Variants in ASTN2 observed in about 807,000 individuals in gnomAD.
ASTN2 encodes astrotactin-2.
In ASTN2, 54 loss-of-function variants were observed where a neutral mutation model predicts 139.8. The observed-to-expected ratio is 0.39, with a 90% CI of 0.31 to 0.48. The LOEUF (loss-of-function observed/expected upper bound fraction) is 0.48. Ranked by LOEUF, ASTN2 falls within the 20% of genes least tolerant of loss-of-function variation. ASTN2 has a pLI of 0.95. For missense variants in ASTN2, 1,565 were observed against 1,725.1 expected, an observed-to-expected ratio of 0.91 and a Z score of 1.64; for synonymous variants, 756 against 719.5, an observed-to-expected ratio of 1.05 and a Z score of -0.81.
intron 5 of ASTN2, among the ~76,000 whole-genome samples, chr9:117,061,403 C>T (rs7864923): frequency 0.55 from 83,920 of 151,286 alleles, 23,555 homozygotes; most frequent in Non-Finnish European, 0.58. Context: ...CTCTTTTTTT[C>T]CTCCATTTTT....
At chr9:117,310,047 T>C (rs1269126229) in intron 1 of ASTN2, among the ~76,000 whole-genome samples, 2 of 152,106 alleles carry the variant, frequency 1.3e-5, no homozygotes, top group East Asian at 3.9e-4. Context: ...AATAATGGGG[T>C]AACTTGACAG....
chr9:117,210,084 A>C (rs974389602), intron 3 of ASTN2, among the ~76,000 whole-genome samples: 24 of 152,164 alleles, frequency 1.6e-4, no homozygotes, highest in African/African-American at 5.8e-4. Flanking sequence ...TTATAGTAAT[A>C]AATGCTTATA....
At chr9:117,162,474 G>T (rs1365938147) in intron 3 of ASTN2, among the ~76,000 whole-genome samples, 4 of 151,930 alleles carry the variant, frequency 2.6e-5, no homozygotes, top group African/African-American at 4.8e-5. Flanking sequence ...ATTCTCCAAG[G>T]CCCAGGTAGG....
chr9:116,769,895 T>G (rs905845842), intron 13 of ASTN2, among the ~76,000 whole-genome samples: 6 of 98,544 alleles, frequency 6.1e-5, no homozygotes, highest in African/African-American at 1.9e-4. Context: ...ATTAAATATA[T>G]ATATATGGGC....
intron 10 of ASTN2, among the ~76,000 whole-genome samples, chr9:116,885,048 A>G (rs377075311): frequency 9.5e-4 from 145 of 152,160 alleles, no homozygotes; most frequent in African/African-American, 3.2e-3. Context: ...CAACAGTCAT[A>G]TGGGATTAGA....
At chr9:117,331,178 G>A (rs1187488551) in intron 1 of ASTN2, among the ~76,000 whole-genome samples, 2 of 152,202 alleles carry the variant, frequency 1.3e-5, no homozygotes, top group Admixed American at 6.5e-5. Context: ...TCTTCTGTAA[G>A]TTGGAGGCAG....
chr9:117,152,727 C>G (rs374760485), intron 3 of ASTN2, among the ~76,000 whole-genome samples: 1 of 152,152 alleles, frequency 6.6e-6, no homozygotes, highest in Non-Finnish European at 1.5e-5. Context: ...CACTCTCTTA[C>G]TTTTAATTCC....
intron 3 of ASTN2, among the ~76,000 whole-genome samples, chr9:117,203,630 T>A (rs1047476418): frequency 8.0e-4 from 122 of 152,102 alleles, no homozygotes; most frequent in African/African-American, 2.8e-3. Flanking sequence ...GCTGCTGCAG[T>A]TTGCTGGGAG....
At chr9:117,133,124 T>C (rs1829864125) in intron 4 of ASTN2, among the ~76,000 whole-genome samples, 1 of 152,224 alleles carries the variant, frequency 6.6e-6, no homozygotes, top group Non-Finnish European at 1.5e-5. Context: ...ACAATATTTT[T>C]CAATTGTATG....
At chr9:117,120,974 T>C (rs1829543205) in intron 4 of ASTN2, among the ~76,000 whole-genome samples, 1 of 152,354 alleles carries the variant, frequency 6.6e-6, no homozygotes, top group East Asian at 1.9e-4. Context: ...AGTTGTCAGA[T>C]GTAGTGTCTA....
intron 13 of ASTN2, among the ~76,000 whole-genome samples, chr9:116,794,950 C>A (rs1014893530): frequency 6.6e-6 from 1 of 152,030 alleles, no homozygotes; most frequent in African/African-American, 2.4e-5. Context: ...CTATGCTTAT[C>A]GTTAAATGTT....
At chr9:116,493,456 C>T (rs936891906) in intron 19 of ASTN2, among the ~76,000 whole-genome samples, 6 of 152,262 alleles carry the variant, frequency 3.9e-5, no homozygotes, top group Admixed American at 1.3e-4. Flanking sequence ...GGGGCCAGAC[C>T]CCCACACATT....
chr9:117,232,342 C>T (rs1372509631), intron 2 of ASTN2, among the ~76,000 whole-genome samples: 2 of 152,186 alleles, frequency 1.3e-5, no homozygotes, highest in Non-Finnish European at 2.9e-5. Flanking sequence ...ACATCCTTTA[C>T]TCCTCCCCAC....
intron 1 of ASTN2, among the ~76,000 whole-genome samples, chr9:117,411,306 T>C (rs1831153660): frequency 6.6e-6 from 1 of 152,140 alleles, no homozygotes; most frequent in African/African-American, 2.4e-5. Context: ...GTCAATGTCA[T>C]TGACTTATAA....
chr9:117,238,760 G>T (rs1034555603), intron 2 of ASTN2, among the ~76,000 whole-genome samples: 1 of 152,156 alleles, frequency 6.6e-6, no homozygotes, highest in Non-Finnish European at 1.5e-5. Flanking sequence ...TTGGTGCCTA[G>T]CTCCAGTGAC....
intron 4 of ASTN2, among the ~76,000 whole-genome samples, chr9:117,115,116 C>T (rs1829351459): frequency 6.6e-6 from 1 of 152,148 alleles, no homozygotes. Context: ...AACCACAAAG[C>T]TTTGGGGTAA....
At chr9:116,579,214 G>T (rs757885893) in intron 19 of ASTN2, among the ~76,000 whole-genome samples, 1 of 152,170 alleles carries the variant, frequency 6.6e-6, no homozygotes, top group Non-Finnish European at 1.5e-5. Flanking sequence ...GCCTGGAAAG[G>T]TGAAGTGACT....
intron 5 of ASTN2, among the ~76,000 whole-genome samples, chr9:117,055,518 G>C (rs1401357426): frequency 1.3e-5 from 2 of 152,086 alleles, no homozygotes; most frequent in Non-Finnish European, 2.9e-5. Context: ...GAAGACCTAT[G>C]AAGGATGAGA....
At chr9:116,972,057 A>G (rs1409221958) in intron 10 of ASTN2, among the ~76,000 whole-genome samples, 1 of 152,210 alleles carries the variant, frequency 6.6e-6, no homozygotes, top group Non-Finnish European at 1.5e-5. Flanking sequence ...TAAAACACTC[A>G]TGTAACCACC....
Sources: allele counts gnomAD v4.1 joint callset (sites outside exome capture counted in the v4.1 genomes callset), GRCh38; gene constraint gnomAD v4.1.1; transcripts MANE v1.5; gene names NCBI Gene and HGNC (gene_info 2026-07-23, HGNC 2026-07-21).